The following LYPLAL1 variants were observed in gnomAD, a reference collection of about 807,000 sequenced individuals.
The protein encoded by LYPLAL1 is lysophospholipase like 1.
A neutral mutation model predicts 19.7 loss-of-function variants in LYPLAL1; 23 were observed. The observed-to-expected ratio is 1.17, with a 90% CI of 0.84 to 1.65. The LOEUF (loss-of-function observed/expected upper bound fraction) is 1.65. Among genes scored for constraint, LYPLAL1 ranks in the 40% most tolerant of loss-of-function variants. The pLI is 0.00. For missense variants in LYPLAL1, 355 were observed against 279.4 expected (o/e 1.27, Z -1.93); for synonymous variants, 119 against 96.3 (o/e 1.24, Z -1.38).
At chr1:219,316,590 A>T in the LYPLAL1 span, among the ~76,000 whole-genome samples, 2 of 152,188 alleles carry the variant, frequency 1.3e-5, no homozygotes, top group South Asian at 4.1e-4. Context: ...TTGTTACGAG[A>T]TGTTTGTCCA....
At chr1:219,376,978 G>A in the LYPLAL1 span, among the ~76,000 whole-genome samples, 1 of 152,110 alleles carries the variant, frequency 6.6e-6, no homozygotes, top group African/African-American at 2.4e-5. Context: ...TTCCACTTCT[G>A]GGTATATACC....
chr1:219,357,014 C>A, the LYPLAL1 span, among the ~76,000 whole-genome samples: 1 of 152,134 alleles, frequency 6.6e-6, no homozygotes, highest in African/African-American at 2.4e-5. Context: ...AGTTTTCAAG[C>A]CAACTGTGGC....
the LYPLAL1 span, among the ~76,000 whole-genome samples, chr1:219,263,687 C>G: frequency 9.9e-5 from 15 of 152,250 alleles, no homozygotes; most frequent in African/African-American, 3.6e-4. Context: ...TGAGCTGGGA[C>G]CTGGGAGTGC....
At chr1:219,215,815 A>G (rs1374231565), downstream of LYPLAL1, among the ~76,000 whole-genome samples, 1 of 152,114 alleles carries the variant, frequency 6.6e-6, no homozygotes, top group Non-Finnish European at 1.5e-5. Flanking sequence ...TTACTACCCA[A>G]TGTCCACTGC....
the LYPLAL1 span, among the ~76,000 whole-genome samples, chr1:219,391,778 CTT>C: frequency 7.2e-5 from 11 of 152,200 alleles, 1 homozygote; most frequent in South Asian, 2.3e-3. Flanking sequence ...CTATTGAACT[CTT>C]TTTTCTCAAA....
At chr1:219,317,504 A>G in the LYPLAL1 span, among the ~76,000 whole-genome samples, 4 of 152,162 alleles carry the variant, frequency 2.6e-5, no homozygotes, top group African/African-American at 9.7e-5. Flanking sequence ...AGTGTTCCCA[A>G]ACAAAAAAGG....
At chr1:219,268,659 TAGA>T in the LYPLAL1 span, among the ~76,000 whole-genome samples, 272 of 152,110 alleles carry the variant, frequency 1.8e-3, no homozygotes, top group Non-Finnish European at 3.0e-3. Flanking sequence ...ATATAAAGGC[TAGA>T]AGAAGATTTT....
At chr1:219,432,801 C>A in the LYPLAL1 span, among the ~76,000 whole-genome samples, 1 of 152,188 alleles carries the variant, frequency 6.6e-6, no homozygotes, top group Non-Finnish European at 1.5e-5. Context: ...AATGATTAAT[C>A]AAATCCCAGT....
At chr1:219,359,243 G>A in the LYPLAL1 span, among the ~76,000 whole-genome samples, 1 of 152,108 alleles carries the variant, frequency 6.6e-6, no homozygotes, top group African/African-American at 2.4e-5. Flanking sequence ...CCATTTTAAA[G>A]CATTGTGCTT....
At chr1:219,274,790 AGG>A in the LYPLAL1 span, among the ~76,000 whole-genome samples, 41 of 152,230 alleles carry the variant, frequency 2.7e-4, no homozygotes, top group African/African-American at 9.6e-4. Context: ...AAGCAGTCAA[AGG>A]AATGGATTTT....
At chr1:219,199,963 C>A in intron 3 of LYPLAL1, 1 of 234,318 alleles carries the variant, frequency 4.3e-6, no homozygotes, top group South Asian at 7.8e-5. Flanking sequence ...CACACACATC[C>A]ATCCCCAGGA....
chr1:219,241,130 C>CTATATATA, the LYPLAL1 span, among the ~76,000 whole-genome samples: 53 of 71,084 alleles, frequency 7.5e-4, no homozygotes, highest in East Asian at 3.4e-3. Context: ...CTCTCTCTCT[C>CTATATATA]TCTCTATATA....
the LYPLAL1 span, among the ~76,000 whole-genome samples, chr1:219,378,181 C>G: frequency 6.6e-6 from 1 of 152,112 alleles, no homozygotes; most frequent in Non-Finnish European, 1.5e-5. Flanking sequence ...TCTGTTCTCA[C>G]GCTGCTCATA....
chr1:219,217,257 T>C (rs1659322507), downstream of LYPLAL1, among the ~76,000 whole-genome samples: 3 of 152,178 alleles, frequency 2.0e-5, no homozygotes, highest in Admixed American at 1.3e-4. Flanking sequence ...TCAGTGTATA[T>C]ACCAAATATA....
At chr1:219,394,141 G>A in the LYPLAL1 span, among the ~76,000 whole-genome samples, 3 of 151,960 alleles carry the variant, frequency 2.0e-5, no homozygotes, top group Admixed American at 6.6e-5. Flanking sequence ...GAATACAAGT[G>A]TAAAAGTAAC....
chr1:219,211,347 C>T, intron 4 of LYPLAL1, 145 bp from the exon 5 acceptor site: 1 of 623,166 alleles, frequency 1.6e-6, no homozygotes, highest in Non-Finnish European at 2.8e-6. Context: ...CAATGTATAC[C>T]TCAGACAGCA....
At chr1:219,229,280 G>A in the LYPLAL1 span, among the ~76,000 whole-genome samples, 1 of 144,116 alleles carries the variant, frequency 6.9e-6, no homozygotes, top group Non-Finnish European at 1.5e-5. Context: ...GGACATAGGT[G>A]AGGACAAGCA....
the LYPLAL1 span, among the ~76,000 whole-genome samples, chr1:219,274,125 T>C: frequency 9.9e-5 from 15 of 152,218 alleles, no homozygotes; most frequent in Non-Finnish European, 1.6e-4. Context: ...AACTTGCGTG[T>C]AGAATTTTAG....
the LYPLAL1 span, among the ~76,000 whole-genome samples, chr1:219,354,248 G>A: frequency 6.6e-6 from 1 of 152,190 alleles, no homozygotes; most frequent in African/African-American, 2.4e-5. Context: ...CCAGGCTAGA[G>A]TGCAGTGGCG....
Sources: gnomAD v4.1 joint callset for allele counts (sites outside exome capture counted in the v4.1 genomes callset) on GRCh38, gnomAD v4.1.1 for gene constraint, MANE v1.5 for transcripts, NCBI Gene and HGNC (gene_info 2026-07-23, HGNC 2026-07-21) for gene names.